The following MID1 variants were observed in gnomAD, a reference collection of about 807,000 sequenced individuals.
The protein encoded by MID1 is midline 1.
Under a neutral mutation model 40.4 loss-of-function variants are expected in MID1, and 7 were observed. That is an observed-to-expected ratio of 0.17 (90% CI 0.10 to 0.33). The LOEUF is 0.33. MID1 is among the 10% of genes least tolerant of loss of function. The pLI, the probability that MID1 is intolerant of heterozygous loss-of-function variation, is 1.00. For missense variants in MID1, 367 were observed against 558.5 expected (o/e 0.66, Z 3.46); for synonymous variants, 229 against 221.2 (o/e 1.04, Z -0.31).
At chrX:10,786,502 TAA>T (rs1451768905) in intron 1 of MID1, among the ~76,000 whole-genome samples, 3 of 111,229 alleles carry the variant, frequency 2.7e-5, no homozygotes, top group African/African-American at 9.8e-5. Flanking sequence ...CATGCTGGTA[TAA>T]AGACACATGC....
At chrX:10,477,367 T>C (rs532416003) in intron 5 of MID1, among the ~76,000 whole-genome samples, 1 of 112,322 alleles carries the variant, frequency 8.9e-6, no homozygotes, top group East Asian at 2.8e-4. Context: ...GGTAGGAACT[T>C]TGTTACATGG....
chrX:10,569,535 T>A (rs184983560), intron 1 of MID1, among the ~76,000 whole-genome samples: 1 of 112,379 alleles, frequency 8.9e-6, no homozygotes, highest in East Asian at 2.8e-4. Flanking sequence ...TAGAATTATC[T>A]TTAAATCAAA....
chrX:10,525,142 T>C (rs1487809144), intron 2 of MID1, among the ~76,000 whole-genome samples: 5 of 112,414 alleles, frequency 4.4e-5, no homozygotes, highest in Admixed American at 9.4e-5. Context: ...AATTTATTTA[T>C]GAAAATTTTA....
intron 2 of MID1, among the ~76,000 whole-genome samples, chrX:10,547,297 G>A (rs754280370): frequency 2.7e-5 from 3 of 111,287 alleles, no homozygotes; most frequent in East Asian, 5.7e-4. Flanking sequence ...AGGAGGCCGG[G>A]CACAGTGGCT....
At chrX:10,765,256 A>T (rs1448599910) in intron 1 of MID1, among the ~76,000 whole-genome samples, 1 of 111,746 alleles carries the variant, frequency 8.9e-6, no homozygotes, top group Non-Finnish European at 1.9e-5. Flanking sequence ...CTCAAGATGA[A>T]TTTTTTCCAG....
intron 1 of MID1, among the ~76,000 whole-genome samples, chrX:10,663,455 T>C (rs983891189): frequency 8.9e-6 from 1 of 112,451 alleles, no homozygotes; most frequent in Non-Finnish European, 1.9e-5. Flanking sequence ...AGCTGAATAA[T>C]ACTTTTTAGA....
intron 1 of MID1, among the ~76,000 whole-genome samples, chrX:10,580,165 CT>C: frequency 9.3e-6 from 1 of 107,239 alleles, no homozygotes; most frequent in Non-Finnish European, 1.9e-5. Context: ...TTAAAACTGC[CT>C]TCAAATCACA....
chrX:10,605,139 G>C (rs1935600917), intron 1 of MID1, among the ~76,000 whole-genome samples: 1 of 111,814 alleles, frequency 8.9e-6, no homozygotes, highest in Admixed American at 9.5e-5. Flanking sequence ...GCATGACTGG[G>C]GATTAAAGTG....
At chrX:10,804,595 T>C (rs1399863153) in intron 1 of MID1, among the ~76,000 whole-genome samples, 1 of 111,573 alleles carries the variant, frequency 9.0e-6, no homozygotes, top group Non-Finnish European at 1.9e-5. Context: ...TGTAATTCAC[T>C]GTCATTATAC....
intron 6 of MID1, among the ~76,000 whole-genome samples, chrX:10,471,842 T>C (rs1929728227): frequency 8.9e-6 from 1 of 112,304 alleles, no homozygotes; most frequent in Non-Finnish European, 1.9e-5. Flanking sequence ...AAACGTATGT[T>C]CAAAATAGGC....
At chrX:10,729,984 T>A (rs2147102042) in intron 1 of MID1, among the ~76,000 whole-genome samples, 1 of 108,423 alleles carries the variant, frequency 9.2e-6, no homozygotes, top group East Asian at 2.9e-4. Context: ...CTCTGGAGGC[T>A]GAGGCGAGAG....
chrX:10,532,871 G>A (rs182037141), intron 2 of MID1, among the ~76,000 whole-genome samples: 3,049 of 109,339 alleles, frequency 0.028, 39 homozygotes, highest in South Asian at 0.051. Flanking sequence ...GGGTTCAAGC[G>A]ATTCTCCTGC....
At chrX:10,639,745 A>C (rs1463150845) in intron 1 of MID1, among the ~76,000 whole-genome samples, 1 of 111,775 alleles carries the variant, frequency 8.9e-6, no homozygotes, top group Non-Finnish European at 1.9e-5. Flanking sequence ...AAGGAAAAAA[A>C]TGTTAAGGGC....
At chrX:10,803,711 A>C (rs1377022246) in intron 1 of MID1, among the ~76,000 whole-genome samples, 2 of 111,523 alleles carry the variant, frequency 1.8e-5, no homozygotes, top group Non-Finnish European at 3.8e-5. Flanking sequence ...TTTGAATATG[A>C]TATGGCTAGG....
chrX:10,803,352 CTT>C (rs757624510), intron 1 of MID1, among the ~76,000 whole-genome samples: 2 of 90,651 alleles, frequency 2.2e-5, no homozygotes, highest in Non-Finnish European at 2.2e-5. Context: ...ACTATATTTT[CTT>C]TTTTTTTTTT....
chrX:10,741,325 G>T (rs962787543), intron 1 of MID1, among the ~76,000 whole-genome samples: 19 of 111,130 alleles, frequency 1.7e-4, no homozygotes, highest in African/African-American at 5.9e-4. Flanking sequence ...TTTTAGGATC[G>T]TGAGAGGCTT....
chrX:10,755,437 T>A (rs1159522078), intron 1 of MID1, among the ~76,000 whole-genome samples: 3 of 111,817 alleles, frequency 2.7e-5, no homozygotes, highest in Non-Finnish European at 3.8e-5. Context: ...ACAAATTAAA[T>A]GTCAGATGAT....
intron 1 of MID1, among the ~76,000 whole-genome samples, chrX:10,703,035 A>T (rs2043202282): frequency 8.9e-6 from 1 of 112,127 alleles, no homozygotes; most frequent in Admixed American, 9.5e-5. Flanking sequence ...ACTGTGAAAA[A>T]AATGTCTGCT....
At chrX:10,710,928 A>C (rs2043262907) in intron 1 of MID1, among the ~76,000 whole-genome samples, 1 of 111,744 alleles carries the variant, frequency 8.9e-6, no homozygotes, top group Non-Finnish European at 1.9e-5. Flanking sequence ...TGCTCTGGAA[A>C]TATTGTCACC....
Sources: allele counts gnomAD v4.1 joint callset (sites outside exome capture counted in the v4.1 genomes callset), GRCh38; gene constraint gnomAD v4.1.1; transcripts MANE v1.5; gene names NCBI Gene and HGNC (gene_info 2026-07-23, HGNC 2026-07-21).